The following SYT14 variants were observed in gnomAD, a reference collection of about 807,000 sequenced individuals.
The protein encoded by SYT14 is synaptotagmin 14, also known as synaptotagmin-14.
In SYT14, 32 loss-of-function variants were observed where a neutral mutation model predicts 74.2. The observed-to-expected ratio is 0.43, with a 90% CI of 0.33 to 0.58. The LOEUF (loss-of-function observed/expected upper bound fraction) is 0.58. Ranked by LOEUF, SYT14 falls within the 20% of genes least tolerant of loss-of-function variation. The pLI is 0.05. For synonymous variants in SYT14, 298 were observed against 337.7 expected, an observed-to-expected ratio of 0.88 and a Z score of 1.29; for missense variants, 791 against 981.8, an observed-to-expected ratio of 0.81 and a Z score of 2.60.
chr1:210,155,213 A>T (rs1172656956), intron 7 of SYT14, among the ~76,000 whole-genome samples: 4 of 152,230 alleles, frequency 2.6e-5, no homozygotes, highest in Non-Finnish European at 5.9e-5. Context: ...ATACTAATGT[A>T]ACTACATCAA....
At chr1:210,157,515 G>A (rs918180531) in intron 8 of SYT14, among the ~76,000 whole-genome samples, 10 of 151,466 alleles carry the variant, frequency 6.6e-5, no homozygotes, top group Admixed American at 1.3e-4. Flanking sequence ...AGGCCGAGGC[G>A]GGTGGATCAC....
chr1:210,016,338 G>C (rs2080182053), exon 4 of SYT14: 1 of 1,231,952 alleles, frequency 8.1e-7, no homozygotes, highest in South Asian at 4.1e-5. Context: ...CAAGATCAAG[G>C]AATACATGAA....
intron 7 of SYT14, among the ~76,000 whole-genome samples, chr1:210,137,167 C>T (rs2082804341): frequency 6.6e-6 from 1 of 152,178 alleles, no homozygotes; most frequent in Non-Finnish European, 1.5e-5. Context: ...TATCAATCCC[C>T]TCTGAAGGCC....
intron 5 of SYT14, among the ~76,000 whole-genome samples, chr1:210,084,793 G>A (rs2081688681): frequency 6.6e-6 from 1 of 152,214 alleles, no homozygotes. Context: ...TCCATCTGGA[G>A]CAACAACTGC....
At chr1:210,108,139 A>G (rs2082192676) in intron 7 of SYT14, among the ~76,000 whole-genome samples, 2 of 152,228 alleles carry the variant, frequency 1.3e-5, no homozygotes, top group South Asian at 4.1e-4. Flanking sequence ...ATTTCATTAA[A>G]TCTGGCTCTT....
intron 7 of SYT14, among the ~76,000 whole-genome samples, chr1:210,134,076 A>G (rs115225633): frequency 0.015 from 2,229 of 151,658 alleles, 71 homozygotes; most frequent in African/African-American, 0.052. Context: ...TTATTTATTT[A>G]TTTATTTATT....
exon 10 of SYT14, chr1:210,168,824 A>T (rs2083485731): frequency 6.6e-6 from 1 of 152,146 alleles, no homozygotes; most frequent in African/African-American, 2.4e-5. Flanking sequence ...CCTCCTAGTG[A>T]TTCCTGTCCT....
chr1:209,978,524 T>C (rs1385407654), intron 2 of SYT14, among the ~76,000 whole-genome samples: 1 of 152,196 alleles, frequency 6.6e-6, no homozygotes, highest in African/African-American at 2.4e-5. Flanking sequence ...ACAGCAGATA[T>C]TGGTGATCAG....
At chr1:210,065,992 T>C (rs1412594095) in intron 5 of SYT14, among the ~76,000 whole-genome samples, 1 of 151,848 alleles carries the variant, frequency 6.6e-6, no homozygotes, top group Non-Finnish European at 1.5e-5. Flanking sequence ...TTTTTTGTCC[T>C]TGTGATAGTT....
chr1:209,977,135 A>G (rs188338721), intron 2 of SYT14, among the ~76,000 whole-genome samples: 1 of 152,284 alleles, frequency 6.6e-6, no homozygotes, highest in East Asian at 1.9e-4. Context: ...AATACAGCAC[A>G]CTGATTGGTC....
intron 2 of SYT14, among the ~76,000 whole-genome samples, chr1:209,962,819 C>G (rs971862788): frequency 1.3e-5 from 2 of 152,072 alleles, no homozygotes; most frequent in Admixed American, 1.3e-4. Flanking sequence ...GTGATGAAGA[C>G]TATGAGAGCC....
In SYT14 at chr1:210,088,211, T is replaced by A. The variant is rs182943863; in HGVS notation, c.1313-6111T>A. Among the ~76,000 whole-genome samples, 430 of 148,764 alleles carry A rather than the reference T, an allele frequency of 2.9e-3. 4 individuals are homozygous for A. Among genetic ancestry groups the A allele is most frequent in the African/African-American group, 0.01 (404 of 39,148 alleles). On this transcript the variant is annotated intron_variant, in intron 5 of 9. Coordinates refer to ENST00000637265, the Ensembl canonical transcript of SYT14. ...TTTTTTACAGTGAGTTTTTTTTTTTTAATTATACTTTAAGTTCTGGGATAC... is the reference window on the plus strand; with the variant it reads ...TTTTTTACAGTGAGTTTTTTTTTTTAAATTATACTTTAAGTTCTGGGATAC...
rs2079896358 is a variant in SYT14, at chr1:210,001,302, T to C, written c.-485-12331T>C. ...ATTGAGGTTTCTTAATAACTTTTTT[T>C]TTTGCCCTGTTGAAAGGATGTCTTG... On this transcript the variant is annotated intron_variant, in intron 2 of 9. Transcript: ENST00000637265. Among the ~76,000 whole-genome samples the C allele has an allele frequency of 2.0e-5, 3 of 152,248 alleles. No individual in the cohort carries two copies. In the South Asian group the frequency reaches 6.2e-4, roughly 32 times the overall value.
At chr1:210,098,174 C>CAAAAAAAAA (rs879873358) in intron 6 of SYT14, among the ~76,000 whole-genome samples, 1 of 120,008 alleles carries the variant, frequency 8.3e-6, no homozygotes, top group African/African-American at 3.1e-5. Flanking sequence ...GACCCTGTGT[C>CAAAAAAAAA]AAAAAAAAAA....
At chr1:210,108,202 C>T (rs2102569881) in intron 7 of SYT14, among the ~76,000 whole-genome samples, 2 of 152,216 alleles carry the variant, frequency 1.3e-5, no homozygotes, top group Middle Eastern at 6.8e-3. Context: ...CATGAGAGTA[C>T]ATGATTGTCT....
exon 10 of SYT14, chr1:210,169,386 AG>A (rs2083497716): frequency 6.6e-6 from 1 of 151,804 alleles, no homozygotes; most frequent in Non-Finnish European, 1.5e-5. Context: ...AGGGGAGACC[AG>A]AGTAGCTGTT....
At chr1:209,958,228 G>A (rs2079023015) in intron 2 of SYT14, among the ~76,000 whole-genome samples, 1 of 151,940 alleles carries the variant, frequency 6.6e-6, no homozygotes, top group Non-Finnish European at 1.5e-5. Flanking sequence ...TTATCAAGTT[G>A]GTCTATTTCT....
chr1:210,017,895 A>G (rs2080218425), intron 4 of SYT14, among the ~76,000 whole-genome samples: 1 of 152,202 alleles, frequency 6.6e-6, no homozygotes, highest in Non-Finnish European at 1.5e-5. Context: ...TATAAAATAC[A>G]CATCTGGAAT....
exon 10 of SYT14, chr1:210,162,053 TC>T: frequency 2.3e-6 from 1 of 443,060 alleles, no homozygotes; most frequent in South Asian, 1.6e-5. Context: ...GAAACTGTTC[TC>T]TCTCTAAATC....
Sources: allele counts gnomAD v4.1 joint callset (sites outside exome capture counted in the v4.1 genomes callset), GRCh38; gene constraint gnomAD v4.1.1; transcripts MANE v1.5; gene names NCBI Gene and HGNC (gene_info 2026-07-23, HGNC 2026-07-21).